TENM1: variants seen among roughly 807,000 people sequenced by gnomAD.
TENM1 encodes teneurin transmembrane protein 1.
Under a neutral mutation model 174.8 loss-of-function variants are expected in TENM1, and 35 were observed. The observed-to-expected ratio is 0.20, with a 90% CI of 0.15 to 0.27. The LOEUF is 0.27. Ranked by LOEUF, TENM1 falls within the 10% of genes least tolerant of loss-of-function variation. The pLI is 1.00. For missense variants in TENM1, 1,633 were observed against 2,130.1 expected (o/e 0.77, Z 4.59); for synonymous variants, 781 against 798.7 (o/e 0.98, Z 0.37).
chrX:124,464,674 A>G (rs1271645697), intron 22 of TENM1, among the ~76,000 whole-genome samples: 2 of 112,162 alleles, frequency 1.8e-5, no homozygotes, highest in Non-Finnish European at 3.8e-5. Context: ...TTTGGGCTCA[A>G]TCAAGAATAT....
chrX:124,965,709 T>C (rs58984127), upstream of TENM1, among the ~76,000 whole-genome samples: 1,445 of 106,564 alleles, frequency 0.014, 27 homozygotes, highest in African/African-American at 0.052. Context: ...TATATATATA[T>C]ACACACACCA....
At chrX:125,066,589 A>G in the TENM1 span, among the ~76,000 whole-genome samples, 2 of 111,816 alleles carry the variant, frequency 1.8e-5, no homozygotes, top group African/African-American at 6.5e-5. Flanking sequence ...GGAGGCAGTC[A>G]GTTGAAATGG....
intron 15 of TENM1, among the ~76,000 whole-genome samples, chrX:124,530,620 G>T (rs998929901): frequency 9.0e-6 from 1 of 111,332 alleles, no homozygotes; most frequent in Non-Finnish European, 1.9e-5. Context: ...CTGCTAAAGT[G>T]CCTTTTTCTG....
At chrX:124,612,280 C>T (rs2050295318) in intron 11 of TENM1, among the ~76,000 whole-genome samples, 1 of 110,152 alleles carries the variant, frequency 9.1e-6, no homozygotes, top group South Asian at 3.9e-4. Flanking sequence ...ACTGGGGTGG[C>T]GGGGAGCTTT....
intron 11 of TENM1, among the ~76,000 whole-genome samples, chrX:124,618,087 C>T (rs1482219140): frequency 8.9e-6 from 1 of 112,276 alleles, no homozygotes; most frequent in Non-Finnish European, 1.9e-5. Context: ...TGTGGAATTA[C>T]TCCTAGTTGA....
intron 11 of TENM1, among the ~76,000 whole-genome samples, chrX:124,608,743 T>C (rs140732929): frequency 0.012 from 1,318 of 109,243 alleles, 20 homozygotes; most frequent in African/African-American, 0.041. Context: ...CTCAGATTAA[T>C]AGTCAGGGGA....
the TENM1 span, among the ~76,000 whole-genome samples, chrX:125,016,319 G>A: frequency 4.5e-5 from 5 of 111,147 alleles, no homozygotes; most frequent in African/African-American, 9.8e-5. Flanking sequence ...AAACCCCATC[G>A]TCTCAGCCCA....
At chrX:124,460,478 A>T in intron 22 of TENM1, among the ~76,000 whole-genome samples, 1 of 111,394 alleles carries the variant, frequency 9.0e-6, no homozygotes, top group Non-Finnish European at 1.9e-5. Flanking sequence ...TAATACAGGA[A>T]CAGAAAACCA....
exon 4 of TENM1, chrX:124,737,132 G>A (rs1305260715): frequency 2.5e-6 from 3 of 1,210,176 alleles, no homozygotes; most frequent in Non-Finnish European, 2.2e-6. Context: ...GTGCAGGCAT[G>A]AGGAGGCGGA....
chrX:125,112,274 ATAAAT>A, the TENM1 span, among the ~76,000 whole-genome samples: 1 of 109,126 alleles, frequency 9.2e-6, no homozygotes, highest in African/African-American at 3.3e-5. Context: ...TAGAGTTTTG[ATAAAT>A]ATTGGGCTCG....
chrX:124,522,504 A>C (rs1397011854), intron 17 of TENM1, among the ~76,000 whole-genome samples: 1 of 110,384 alleles, frequency 9.1e-6, no homozygotes, highest in Non-Finnish European at 1.9e-5. Flanking sequence ...TAAAATATCG[A>C]GGTTCAAAAA....
intron 4 of TENM1, among the ~76,000 whole-genome samples, chrX:124,713,448 G>C (rs936952717): frequency 2.7e-5 from 3 of 110,613 alleles, no homozygotes; most frequent in Non-Finnish European, 5.7e-5. Context: ...TTGTATTTTT[G>C]GTGGAGATGG....
intron 14 of TENM1, among the ~76,000 whole-genome samples, chrX:124,555,614 T>C (rs1257120912): frequency 5.4e-5 from 6 of 111,712 alleles, no homozygotes; most frequent in East Asian, 2.8e-4. Flanking sequence ...TTTGCTGAAA[T>C]TGAAGCAAGA....
At chrX:124,888,760 T>C in intron 3 of TENM1, among the ~76,000 whole-genome samples, 1 of 111,885 alleles carries the variant, frequency 8.9e-6, no homozygotes, top group African/African-American at 3.2e-5. Flanking sequence ...CAACTGACAT[T>C]TATAGAGCAT....
intron 11 of TENM1, among the ~76,000 whole-genome samples, chrX:124,625,586 C>T (rs1053600473): frequency 3.6e-5 from 4 of 111,247 alleles, no homozygotes; most frequent in Non-Finnish European, 7.5e-5. Flanking sequence ...GTTGAATTAG[C>T]TCACGGTTCT....
intron 11 of TENM1, among the ~76,000 whole-genome samples, chrX:124,640,884 C>G (rs925779099): frequency 3.0e-5 from 3 of 100,830 alleles, no homozygotes; most frequent in African/African-American, 1.2e-4. Context: ...TCACTTGAAC[C>G]TGGGAGGCGG....
At chrX:124,473,980 G>A (rs755426967) in intron 22 of TENM1, among the ~76,000 whole-genome samples, 29 of 110,878 alleles carry the variant, frequency 2.6e-4, no homozygotes, top group Admixed American at 4.8e-4. Flanking sequence ...AGGAGGGGTC[G>A]GCTAGTCAAA....
Position 124,811,105 on chromosome X carries a change from T to C in TENM1, c.536-73908A>G, listed in dbSNP as rs146101781. On this transcript the variant is annotated intron_variant, in intron 3 of 31. Transcript: ENST00000422452. Reference sequence around the variant, plus strand: ...ACACAGGGAAAAATCTCCATAATATTGGCTTGGGCAATGATTTGACCTCAA... The same window carrying C: ...ACACAGGGAAAAATCTCCATAATATCGGCTTGGGCAATGATTTGACCTCAA... Among the ~76,000 whole-genome samples the C allele has an allele frequency of 7.8e-4, 86 of 110,916 alleles. 1 individual carries two copies. Among genetic ancestry groups the C allele is most frequent in the African/African-American group, 2.8e-3 (85 of 30,656 alleles).
intron 11 of TENM1, among the ~76,000 whole-genome samples, chrX:124,628,463 AAT>A (rs771725894): frequency 9.0e-6 from 1 of 111,341 alleles, no homozygotes; most frequent in South Asian, 3.7e-4. Flanking sequence ...TAATTTAAAT[AAT>A]ATATTTTATT....
Sources: gnomAD v4.1 joint callset for allele counts (sites outside exome capture counted in the v4.1 genomes callset) on GRCh38, gnomAD v4.1.1 for gene constraint, MANE v1.5 for transcripts, NCBI Gene and HGNC (gene_info 2026-07-23, HGNC 2026-07-21) for gene names.